The following PARP4 variants were observed in gnomAD, a reference collection of about 807,000 sequenced individuals.
The protein encoded by PARP4 is poly(ADP-ribose) polymerase family member 4.
PARP4 carries 120 observed loss-of-function variants against 187.7 expected under a neutral mutation model. The ratio of observed to expected loss-of-function variants is 0.64; its 90% CI spans 0.55 to 0.74. The LOEUF is 0.74. PARP4 is among the 30% of genes least tolerant of loss of function. PARP4 has a pLI of 0.00. For synonymous variants in PARP4, 654 were observed against 740.9 expected (o/e 0.88, Z 1.90); for missense variants, 1,836 against 2,070.5 (o/e 0.89, Z 2.20).
At chr13:24,486,676 G>A (rs769330152) in intron 10 of PARP4, among the ~76,000 whole-genome samples, 1 of 152,174 alleles carries the variant, frequency 6.6e-6, no homozygotes, top group Non-Finnish European at 1.5e-5. Flanking sequence ...TTCTGGCTGG[G>A]CGCAATGGCT....
intron 33 of PARP4, 88 bp downstream of exon 33, chr13:24,426,378 A>T (rs1471966384): frequency 9.4e-7 from 1 of 1,059,700 alleles, no homozygotes; most frequent in East Asian, 2.5e-5. Flanking sequence ...GTACACATGT[A>T]AGATAATTCC....
At chr13:24,433,053 G>A (rs1297395929) in intron 31 of PARP4, among the ~76,000 whole-genome samples, 1 of 152,104 alleles carries the variant, frequency 6.6e-6, no homozygotes, top group Non-Finnish European at 1.5e-5. Flanking sequence ...ACTATTGTTG[G>A]GAAAAAGCTG....
chr13:24,475,589 C>G lies in PARP4; in HGVS notation c.1797G>C (p.Gln599His), dbSNP rs367893916. ...FSNFSKVEDYQLPDAKTSSST... is the reference protein window; with the variant it reads ...FSNFSKVEDYHLPDAKTSSST... The stretch of plus-strand genomic sequence containing the variant: ...TGCTGGAAGTTTTGGCATCTGGTAA[C>G]TGGTAATCTAAACGTTAAAAATGTT... Residue 599 changes from glutamine (Q) to histidine (H), a missense_variant, in exon 15 of 34, where the codon CAG becomes CAC. Gln to His is a conservative substitution (Grantham distance 24, BLOSUM62 0). Around this residue, in one of 8 missense-constraint regions of PARP4, gnomAD observed 1,147 missense variants for 1,214.2 expected, o/e 0.94. Transcript: ENST00000381989. 23 of 1,614,010 alleles carry G rather than the reference C, an allele frequency of 1.4e-5. No homozygotes were observed. The African/African-American group carries it at 2.4e-4, about 17-fold the overall frequency.
intron 7 of PARP4, among the ~76,000 whole-genome samples, 172 bp from the exon 8 acceptor site, chr13:24,493,905 C>T (rs959827383): frequency 1.3e-5 from 2 of 152,132 alleles, no homozygotes; most frequent in African/African-American, 4.8e-5. Flanking sequence ...CCTCTGTCTT[C>T]CTCCATTCTC....
chr13:24,477,570 T>C, intron 14 of PARP4, 131 bp downstream of exon 14: 1 of 587,470 alleles, frequency 1.7e-6, no homozygotes, highest in Non-Finnish European at 3.0e-6. Context: ...ATTTTGAGAT[T>C]GAAAGGAAAT....
At chr13:24,456,887 G>T (rs1871886888) in intron 20 of PARP4, among the ~76,000 whole-genome samples, 1 of 151,616 alleles carries the variant, frequency 6.6e-6, no homozygotes, top group South Asian at 2.1e-4. Context: ...GTAACAACAG[G>T]GAAACTCTGT....
intron 17 of PARP4, among the ~76,000 whole-genome samples, chr13:24,465,580 T>G (rs55696463): frequency 0.079 from 12,007 of 151,990 alleles, 649 homozygotes; most frequent in Non-Finnish European, 0.12. Context: ...TGAGAACACA[T>G]GGACACAGGG....
chr13:24,446,892 A>G, intron 26 of PARP4, 124 bp downstream of exon 26: 1 of 1,409,742 alleles, frequency 7.1e-7, no homozygotes, highest in Non-Finnish European at 9.7e-7. Context: ...AGCCCTGGCT[A>G]ACCACCAGCT....
chr13:24,423,075 G>A (rs1467040459), intron 33 of PARP4, among the ~76,000 whole-genome samples: 1 of 152,140 alleles, frequency 6.6e-6, no homozygotes, highest in Non-Finnish European at 1.5e-5. Flanking sequence ...TGTTTTAACA[G>A]CTATAATATT....
chr13:24,423,687 T>C (rs9581025), intron 33 of PARP4, among the ~76,000 whole-genome samples: 64,992 of 151,328 alleles, frequency 0.43, 14,631 homozygotes, highest in African/African-American at 0.57. Flanking sequence ...TATGATTTTC[T>C]TTTTTTTTCA....
Position 24,456,482 on chromosome 13 carries a change from C to T in PARP4, c.2425-4G>A, listed in dbSNP as rs1258059503. 1 of 1,585,266 alleles carries T rather than the reference C, an allele frequency of 6.3e-7. No homozygotes were observed. Among genetic ancestry groups the T allele is most frequent in the African/African-American group, 1.3e-5 (1 of 74,588 alleles). ...TGACAGCTTTGCAGTCTGTGCGCTGCAAAACAAACACCGCGACAACAAGGT... is the reference window on the plus strand; with the variant it reads ...TGACAGCTTTGCAGTCTGTGCGCTGTAAAACAAACACCGCGACAACAAGGT... On this transcript the variant is annotated splice_polypyrimidine_tract_variant and splice_region_variant and intron_variant, in intron 20 of 33. Coordinates refer to ENST00000381989, the MANE Select transcript of PARP4 (RefSeq NM_006437.4).
intron 7 of PARP4, among the ~76,000 whole-genome samples, 183 bp downstream of exon 7, chr13:24,494,386 GTCTC>G (rs906117815): frequency 6.6e-6 from 1 of 152,110 alleles, no homozygotes; most frequent in Non-Finnish European, 1.5e-5. Context: ...GTAGAAATGG[GTCTC>G]TCTATGTTGC....
intron 2 of PARP4, among the ~76,000 whole-genome samples, chr13:24,503,162 C>T (rs1461047042): frequency 6.6e-6 from 1 of 152,222 alleles, no homozygotes; most frequent in South Asian, 2.1e-4. Context: ...TAAATTCCTG[C>T]AGCCTTTAAA....
At chr13:24,448,243 A>C (rs751995299) in intron 25 of PARP4, among the ~76,000 whole-genome samples, 39 of 152,000 alleles carry the variant, frequency 2.6e-4, no homozygotes, top group Admixed American at 5.2e-4. Context: ...AACCAACCAA[A>C]CAAACAAAAA....
chr13:24,477,199 G>T (rs1227418113), intron 14 of PARP4, among the ~76,000 whole-genome samples: 2 of 152,192 alleles, frequency 1.3e-5, no homozygotes, highest in East Asian at 3.8e-4. Flanking sequence ...AGGAAATGAG[G>T]CTGGCCATGG....
chr13:24,456,450 G>C lies in PARP4; in HGVS notation c.2453C>G (p.Thr818Ser). Reference protein sequence around the residue: ...KRTDCKAVISTMEGSSLDSSG... With the variant: ...KRTDCKAVISSMEGSSLDSSG... ...GCTGTCTAAGGAGCTGCCTTCCATG[G>C]TGCTAATGACAGCTTTGCAGTCTGT... Residue 818 changes from threonine to serine, a missense_variant, in exon 21 of 34, where the codon ACC (threonine) becomes AGC (serine). Thr to Ser is a moderately conservative substitution (Grantham distance 58). Transcript: ENST00000381989. The C allele has an allele frequency of 1.9e-6, 3 of 1,606,918 alleles. No homozygotes were observed. The highest frequency in any genetic ancestry group is 2.6e-6 in the Non-Finnish European group (3 of 1,174,336).
At chr13:24,461,423 C>T (rs1872210268) in intron 17 of PARP4, among the ~76,000 whole-genome samples, 1 of 152,184 alleles carries the variant, frequency 6.6e-6, no homozygotes, top group South Asian at 2.1e-4. Context: ...TCTGTTATAA[C>T]ACACCAGGCA....
rs33930012 is a variant in PARP4 at position 24,457,770 on chromosome 13, C to CAA, written c.2424+1272_2424+1273dup. Among the ~76,000 whole-genome samples, 339 of 85,598 alleles carry CAA rather than the reference C, an allele frequency of 4.0e-3. 9 individuals are homozygous for CAA. The highest frequency in any genetic ancestry group is 5.2e-3 in the African/African-American group (104 of 19,926). The allele number at this position is 85,598 out of a possible 152,430, so 56.2% of individuals were successfully genotyped here. A position where few individuals can be genotyped will look rare whatever the true frequency, so the allele number is the denominator to read the frequency against. On this transcript the variant is annotated intron_variant, in intron 20 of 33. Transcript: ENST00000381989. Reference sequence around the variant, plus strand: ...TGGGAAACAGAGTAAGACTCTGTCTCAAAAAAAAAAAAAAAAAAAAAAAAA... The same window carrying CAA: ...TGGGAAACAGAGTAAGACTCTGTCTCAAAAAAAAAAAAAAAAAAAAAAAAAAA...
At chr13:24,461,742 CA>C (rs1389226322) in intron 17 of PARP4, among the ~76,000 whole-genome samples, 2 of 152,164 alleles carry the variant, frequency 1.3e-5, no homozygotes, top group Non-Finnish European at 2.9e-5. Context: ...ATCCTTTCCC[CA>C]CATGAAGCAA....
Sources: allele counts gnomAD v4.1 joint callset (sites outside exome capture counted in the v4.1 genomes callset), GRCh38; gene constraint gnomAD v4.1.1; regional missense constraint gnomAD v4.1.1; transcripts MANE v1.5; gene names NCBI Gene and HGNC (gene_info 2026-07-23, HGNC 2026-07-21).